HDAC9: variants seen among roughly 807,000 people sequenced by gnomAD.
HDAC9 encodes the protein histone deacetylase 9.
A neutral mutation model predicts 139.4 loss-of-function variants in HDAC9; 41 were observed. That is an observed-to-expected ratio of 0.29 (90% CI 0.23 to 0.38). The LOEUF (loss-of-function observed/expected upper bound fraction) is 0.38. Ranked by LOEUF, HDAC9 falls within the 10% of genes least tolerant of loss-of-function variation. HDAC9 has a pLI of 1.00. For synonymous variants in HDAC9, 517 were observed against 476.2 expected, an observed-to-expected ratio of 1.09 and a Z score of -1.12; for missense variants, 1,147 against 1,297.0, an observed-to-expected ratio of 0.88 and a Z score of 1.78.
chr7:18,107,470 G>C (rs899299821), intron 1 of HDAC9, among the ~76,000 whole-genome samples: 3 of 152,022 alleles, frequency 2.0e-5, no homozygotes, highest in Non-Finnish European at 4.4e-5. Flanking sequence ...TGCCTAATTA[G>C]ATGGCTTCAT....
intron 2 of HDAC9, among the ~76,000 whole-genome samples, chr7:18,536,345 G>A (rs953431584): frequency 9.9e-5 from 15 of 152,134 alleles, no homozygotes; most frequent in African/African-American, 3.1e-4. Context: ...ATGTTTTCCC[G>A]AATCAGCTCC....
intron 17 of HDAC9, among the ~76,000 whole-genome samples, chr7:18,798,024 C>T (rs1019055081): frequency 2.7e-5 from 4 of 150,498 alleles, no homozygotes; most frequent in Non-Finnish European, 4.4e-5. Flanking sequence ...TAAAATATTC[C>T]CTTTGCACCA....
At chr7:18,792,261 T>A (rs570524475) in intron 16 of HDAC9, among the ~76,000 whole-genome samples, 1,911 of 149,626 alleles carry the variant, frequency 0.013, 37 homozygotes, top group African/African-American at 0.046. Context: ...AATTCTCTTT[T>A]TTTTTTAAAA....
At chr7:18,189,369 T>C (rs959025937) in intron 2 of HDAC9, among the ~76,000 whole-genome samples, 4 of 151,772 alleles carry the variant, frequency 2.6e-5, no homozygotes, top group African/African-American at 9.7e-5. Context: ...GGAGGGAATT[T>C]AGAGGACAGG....
chr7:18,601,057 G>A (rs1310594712), intron 6 of HDAC9, among the ~76,000 whole-genome samples: 2 of 152,114 alleles, frequency 1.3e-5, no homozygotes, highest in Admixed American at 1.3e-4. Context: ...TGAATCTAAA[G>A]GTCAAGTTGA....
chr7:18,523,868 G>T (rs1265402924), intron 2 of HDAC9, among the ~76,000 whole-genome samples: 1 of 151,976 alleles, frequency 6.6e-6, no homozygotes, highest in Non-Finnish European at 1.5e-5. Flanking sequence ...CAGATGAGGA[G>T]ATTTAAATGT....
At chr7:18,943,568 T>C (rs987870887) in intron 23 of HDAC9, among the ~76,000 whole-genome samples, 1 of 152,122 alleles carries the variant, frequency 6.6e-6, no homozygotes, top group Admixed American at 6.5e-5. Context: ...CATCTTCTCA[T>C]AGTCTTCCTC....
At chr7:18,756,659 A>G (rs1788902594) in intron 14 of HDAC9, among the ~76,000 whole-genome samples, 2 of 152,264 alleles carry the variant, frequency 1.3e-5, no homozygotes, top group Admixed American at 1.3e-4. Flanking sequence ...GACATAATTT[A>G]GTCAAACATC....
intron 2 of HDAC9, among the ~76,000 whole-genome samples, chr7:18,270,348 C>T (rs558589846): frequency 1.3e-5 from 2 of 150,666 alleles, no homozygotes; most frequent in South Asian, 4.2e-4. Context: ...TTTCCTGTTA[C>T]CTTCTCTGCC....
chr7:18,436,372 T>C (rs1396372380), intron 1 of HDAC9, among the ~76,000 whole-genome samples: 1 of 152,178 alleles, frequency 6.6e-6, no homozygotes, highest in Non-Finnish European at 1.5e-5. Flanking sequence ...GTTGGTGTAA[T>C]CGTATTAGGA....
chr7:18,356,781 C>T lies in HDAC9; in HGVS notation c.-42+66266C>T, dbSNP rs140070441. 3.3e-3 allele frequency among the ~76,000 whole-genome samples: 495 copies of T among 152,086 alleles called. 7 individuals carry two copies. The highest frequency in any genetic ancestry group is 9.1e-3 in the Admixed American group (139 of 15,272). On this transcript the variant is annotated intron_variant, in intron 1 of 3. Transcript: ENST00000413509. ...TTCTTCAGATCGCATCGGAAGAATC[C>T]GGCTATGCCAAAAGATAAATGTAGA... is the stretch of plus-strand genomic sequence containing the variant.
At chr7:18,298,608 A>G (rs1798309089) in intron 1 of HDAC9, among the ~76,000 whole-genome samples, 1 of 152,228 alleles carries the variant, frequency 6.6e-6, no homozygotes, top group South Asian at 2.1e-4. Context: ...TACAAAGGAC[A>G]TGAACTCATC....
intron 1 of HDAC9, among the ~76,000 whole-genome samples, chr7:18,397,298 A>T (rs1396157306): frequency 6.6e-6 from 1 of 152,136 alleles, no homozygotes; most frequent in Non-Finnish European, 1.5e-5. Flanking sequence ...TTACCTAAGA[A>T]CTTTGTTGGT....
At chr7:18,299,839 T>A (rs1447699406) in intron 1 of HDAC9, among the ~76,000 whole-genome samples, 1 of 152,160 alleles carries the variant, frequency 6.6e-6, no homozygotes, top group African/African-American at 2.4e-5. Flanking sequence ...TCCACCTTCA[T>A]CTTAGCAAGC....
intron 1 of HDAC9, among the ~76,000 whole-genome samples, chr7:18,444,975 C>T (rs925364118): frequency 2.0e-5 from 3 of 151,990 alleles, no homozygotes; most frequent in Non-Finnish European, 2.9e-5. Flanking sequence ...GATCTAAGAC[C>T]CAGGGCTGGA....
At chr7:18,750,289 T>C (rs1788329696) in intron 14 of HDAC9, among the ~76,000 whole-genome samples, 1 of 152,160 alleles carries the variant, frequency 6.6e-6, no homozygotes, top group Admixed American at 6.6e-5. Flanking sequence ...CTTTAAAGGG[T>C]GGATAATATA....
In HDAC9 at chr7:18,403,686, A is replaced by G. The variant is rs148509637; in HGVS notation, c.-41-92576A>G. Among the ~76,000 whole-genome samples the G allele has an allele frequency of 1.1e-3, 161 of 152,358 alleles. 2 individuals carry two copies. The highest frequency in any genetic ancestry group is 3.5e-3 in the African/African-American group (144 of 41,598). ...ACTCATAAACATTTATTGAGTAGCT[A>G]CTATGTCCAAGGTTCTGATCTGGTA... On this transcript the variant is annotated intron_variant, in intron 1 of 3. Coordinates refer to the HDAC9 transcript ENST00000413509.
intron 2 of HDAC9, among the ~76,000 whole-genome samples, chr7:18,260,981 T>C (rs972339983): frequency 1.3e-5 from 2 of 152,210 alleles, no homozygotes; most frequent in East Asian, 1.9e-4. Context: ...TTCTGAAATA[T>C]AAGCAAACAT....
In HDAC9 at chr7:18,647,850, G is replaced by C; in HGVS notation, c.1101G>C (p.Leu367=). The C allele has an allele frequency of 2.5e-6, 4 of 1,612,588 alleles. No individual in the cohort carries two copies. The highest frequency in any genetic ancestry group is 3.4e-6 in the Non-Finnish European group (4 of 1,179,312). ...AGACGCTTAGGCAAGGTGTTCCTCT[G>C]CCTGGGCAGTATGGAGGCAGCATCC... The part of the protein sequence containing the change: ...ETQTLRQGVP[L]PGQYGGSIPA... Residue 367 remains leucine, a synonymous_variant, in exon 10 of 26, where the codon CTG becomes CTC. Coordinates refer to ENST00000686413, the MANE Select transcript of HDAC9 (RefSeq NM_178425.4).
Sources: allele counts gnomAD v4.1 joint callset (sites outside exome capture counted in the v4.1 genomes callset), GRCh38; gene constraint gnomAD v4.1.1; transcripts MANE v1.5; gene names NCBI Gene and HGNC (gene_info 2026-07-23, HGNC 2026-07-21).